Variants in CRACDL observed in about 807,000 individuals in gnomAD.
CRACDL encodes the protein CRACD-like protein.
In CRACDL, 26 loss-of-function variants were observed where a neutral mutation model predicts 70.6. That is an observed-to-expected ratio of 0.37 (90% confidence interval 0.27 to 0.51). The LOEUF (loss-of-function observed/expected upper bound fraction) is 0.51, where lower values mean the gene tolerates loss of function less well. Ranked by LOEUF, CRACDL falls within the 20% of genes least tolerant of loss-of-function variation. The pLI is 0.94. For missense variants in CRACDL, 1,283 were observed against 1,376.9 expected (o/e 0.93, Z 1.08); for synonymous variants, 618 against 615.2 (o/e 1.00, Z -0.07).
intron 5 of CRACDL, among the ~76,000 whole-genome samples, chr2:98,829,621 G>A (rs1705453566): frequency 6.6e-6 from 1 of 152,190 alleles, no homozygotes; most frequent in Non-Finnish European, 1.5e-5. Context: ...GGATGATTCT[G>A]AAAGCAGAGG....
chr2:98,892,550 T>G (rs1038833655), intron 1 of CRACDL, among the ~76,000 whole-genome samples: 1 of 151,594 alleles, frequency 6.6e-6, no homozygotes, highest in Admixed American at 6.6e-5. Context: ...ATTAGCCGGG[T>G]GTGGCGGCAG....
At chr2:98,801,357 C>G (rs183217287) in intron 7 of CRACDL, among the ~76,000 whole-genome samples, 26 of 152,356 alleles carry the variant, frequency 1.7e-4, no homozygotes, top group Non-Finnish European at 3.2e-4. Flanking sequence ...CCACCTGGAG[C>G]CTCTCAGCAG....
intron 1 of CRACDL, among the ~76,000 whole-genome samples, chr2:98,849,341 T>C (rs1178243033): frequency 6.6e-6 from 1 of 152,176 alleles, no homozygotes; most frequent in African/African-American, 2.4e-5. Context: ...ATCAAGGTCA[T>C]GTGGACACCT....
At chr2:98,833,041 TACTG>T (rs757919510) in intron 3 of CRACDL, 44 bp from the exon 4 acceptor site, 2 of 1,568,378 alleles carry the variant, frequency 1.3e-6, no homozygotes, top group East Asian at 4.5e-5. Context: ...ACCTCCATCT[TACTG>T]ACCCCTGGGG....
At chr2:98,895,328 A>AGAAG (rs1339341939) in intron 1 of CRACDL, among the ~76,000 whole-genome samples, 1 of 152,220 alleles carries the variant, frequency 6.6e-6, no homozygotes, top group African/African-American at 2.4e-5. Context: ...GTGCTGGGAT[A>AGAAG]GAAGGATTGG....
intron 1 of CRACDL, among the ~76,000 whole-genome samples, chr2:98,896,589 G>A (rs903490978): frequency 7.9e-5 from 12 of 152,006 alleles, no homozygotes; most frequent in Non-Finnish European, 1.8e-4. Context: ...AGCTGCTGTC[G>A]GCAGAATGAT....
At chr2:98,896,736 T>G (rs1332490943) in intron 1 of CRACDL, among the ~76,000 whole-genome samples, 1 of 152,220 alleles carries the variant, frequency 6.6e-6, no homozygotes, top group Non-Finnish European at 1.5e-5. Context: ...CCAACCTATC[T>G]TACTTTGTTG....
At chr2:98,917,070 CCTT>C (rs1708684848) in intron 1 of CRACDL, among the ~76,000 whole-genome samples, 1 of 152,216 alleles carries the variant, frequency 6.6e-6, no homozygotes, top group South Asian at 2.1e-4. Context: ...TCCCCATGGG[CCTT>C]CTTCTCCCTC....
At chr2:98,856,290 C>G (rs546928754) in intron 1 of CRACDL, among the ~76,000 whole-genome samples, 1 of 152,066 alleles carries the variant, frequency 6.6e-6, no homozygotes, top group East Asian at 1.9e-4. Flanking sequence ...ACATTGGAGA[C>G]CAGAAAGCAG....
intron 1 of CRACDL, among the ~76,000 whole-genome samples, chr2:98,847,846 G>A (rs1325249495): frequency 6.6e-6 from 1 of 152,204 alleles, no homozygotes; most frequent in East Asian, 1.9e-4. Context: ...AATGGGAAAT[G>A]ATGGGAGAAA....
At chr2:98,925,795 G>A (rs534386363) in intron 1 of CRACDL, among the ~76,000 whole-genome samples, 1 of 152,280 alleles carries the variant, frequency 6.6e-6, no homozygotes, top group East Asian at 1.9e-4. Flanking sequence ...AAAAGGTGGG[G>A]AGCAATGCTC....
intron 1 of CRACDL, among the ~76,000 whole-genome samples, chr2:98,929,304 G>A (rs1028185404): frequency 4.6e-5 from 7 of 152,312 alleles, no homozygotes; most frequent in South Asian, 2.1e-4. Flanking sequence ...CGAGAGCCAC[G>A]GTCTGGGCCG....
intron 1 of CRACDL, among the ~76,000 whole-genome samples, chr2:98,865,986 C>G (rs1558611745): frequency 6.6e-6 from 1 of 151,708 alleles, no homozygotes; most frequent in Non-Finnish European, 1.5e-5. Flanking sequence ...CCTCTGCCTC[C>G]CACCTCCTGC....
intron 1 of CRACDL, among the ~76,000 whole-genome samples, chr2:98,878,172 C>A (rs1707538940): frequency 6.6e-6 from 1 of 152,182 alleles, no homozygotes; most frequent in African/African-American, 2.4e-5. Context: ...GTCTCAAACT[C>A]CTGACCTTGG....
intron 1 of CRACDL, among the ~76,000 whole-genome samples, chr2:98,850,888 G>C (rs1174266862): frequency 6.6e-6 from 1 of 152,172 alleles, no homozygotes; most frequent in Non-Finnish European, 1.5e-5. Flanking sequence ...ATTAGTCTCA[G>C]CTTCTATAGA....
intron 1 of CRACDL, among the ~76,000 whole-genome samples, chr2:98,906,396 G>A (rs1427606257): frequency 3.9e-5 from 6 of 151,940 alleles, no homozygotes; most frequent in Non-Finnish European, 8.8e-5. Context: ...TGAGTAGCTG[G>A]GACTACAGGC....
intron 1 of CRACDL, among the ~76,000 whole-genome samples, chr2:98,878,766 C>G (rs923352882): frequency 2.6e-5 from 4 of 152,172 alleles, no homozygotes; most frequent in Non-Finnish European, 5.9e-5. Flanking sequence ...TAGTGGCAAA[C>G]GCATGGCTGA....
rs1434097425 is a variant in CRACDL at position 98,832,929 on chromosome 2, T to C, written c.308A>G (p.Gln103Arg). 4.3e-6 allele frequency: 7 copies of C among 1,614,006 alleles called. No individual in the cohort carries two copies. In the Admixed American group the frequency reaches 1.2e-4, roughly 27 times the overall value. Residue 103 changes from glutamine to arginine, a missense_variant, in exon 4 of 10, where the codon CAG becomes CGG. By Grantham distance (43) the Gln-to-Arg change is conservative. Around this residue, in one of 2 missense-constraint regions of CRACDL, gnomAD observed 362 missense variants for 495.0 expected, o/e 0.73. Transcript: ENST00000397899. Reference sequence around the variant, plus strand: ...CACCCGCACAGGCCGAGTAGCGTCCTGTCCGGACTCAGGAATGAAAATACT... The same window carrying C: ...CACCCGCACAGGCCGAGTAGCGTCCCGTCCGGACTCAGGAATGAAAATACT... ...HDSIFIPESG[Q>R]DATRPVRVFS...
intron 1 of CRACDL, among the ~76,000 whole-genome samples, chr2:98,914,678 T>A (rs1708626970): frequency 6.6e-6 from 1 of 152,154 alleles, no homozygotes; most frequent in South Asian, 2.1e-4. Context: ...TCATGGAGCT[T>A]CACGCTGGCC....
Sources: gnomAD v4.1 joint callset for allele counts (sites outside exome capture counted in the v4.1 genomes callset) on GRCh38, gnomAD v4.1.1 for gene constraint, gnomAD v4.1.1 regional missense constraint, MANE v1.5 for transcripts, NCBI Gene and HGNC (gene_info 2026-07-23, HGNC 2026-07-21) for gene names.